The following GNAQ variants were observed in gnomAD, a reference collection of about 807,000 sequenced individuals.
The protein encoded by GNAQ is G protein subunit alpha q.
Under a neutral mutation model 43.9 loss-of-function variants are expected in GNAQ, and 8 were observed. The ratio of observed to expected loss-of-function variants is 0.18; its 90% CI spans 0.11 to 0.33. GNAQ has a LOEUF of 0.33. Ranked by LOEUF, GNAQ falls within the 10% of genes least tolerant of loss-of-function variation. The probability of loss-of-function intolerance (pLI) is 1.00; values close to 1 mark genes in which losing one functional copy is unlikely to be tolerated. For missense variants in GNAQ, 158 were observed against 450.8 expected (o/e 0.35, Z 5.88); for synonymous variants, 155 against 170.7 (o/e 0.91, Z 0.71).
At chr9:77,739,658 C>G (rs1825624004) in intron 5 of GNAQ, among the ~76,000 whole-genome samples, 1 of 152,176 alleles carries the variant, frequency 6.6e-6, no homozygotes, top group East Asian at 1.9e-4. Context: ...ATGGCACCAC[C>G]TAACTTGCTG....
At chr9:77,850,860 G>A (rs1827664502) in intron 2 of GNAQ, among the ~76,000 whole-genome samples, 1 of 151,880 alleles carries the variant, frequency 6.6e-6, no homozygotes, top group South Asian at 2.1e-4. Flanking sequence ...CTCTTCCCAG[G>A]CACCATCACT....
intron 1 of GNAQ, among the ~76,000 whole-genome samples, chr9:77,962,179 C>A (rs776048721): frequency 6.6e-5 from 10 of 151,870 alleles, no homozygotes; most frequent in Non-Finnish European, 1.2e-4. Flanking sequence ...CAGTGTGGAA[C>A]AAAATCGAGT....
chr9:77,866,433 G>A (rs529038524), intron 2 of GNAQ, among the ~76,000 whole-genome samples: 2 of 152,182 alleles, frequency 1.3e-5, no homozygotes, highest in African/African-American at 4.8e-5. Flanking sequence ...GCTGAGTACT[G>A]TCTCAAAAAA....
intron 6 of GNAQ, 114 bp downstream of exon 6, chr9:77,728,400 G>A: frequency 1.3e-6 from 1 of 743,332 alleles, no homozygotes; most frequent in Admixed American, 2.2e-5. Flanking sequence ...TCAACACGCA[G>A]GCTGCACAGG....
At chr9:77,999,076 G>C (rs941295363) in intron 1 of GNAQ, among the ~76,000 whole-genome samples, 6 of 95,120 alleles carry the variant, frequency 6.3e-5, no homozygotes, top group African/African-American at 2.4e-4. Flanking sequence ...TGGGCAACAA[G>C]AGTGAAACTC....
chr9:77,966,445 C>A (rs1203021255), intron 1 of GNAQ, among the ~76,000 whole-genome samples: 2 of 152,096 alleles, frequency 1.3e-5, no homozygotes, highest in Non-Finnish European at 2.9e-5. Context: ...GTACGTTTTT[C>A]TTTATAATAG....
intron 5 of GNAQ, among the ~76,000 whole-genome samples, chr9:77,781,448 C>A (rs1253771044): frequency 6.6e-6 from 1 of 152,016 alleles, no homozygotes; most frequent in Non-Finnish European, 1.5e-5. Flanking sequence ...AGAAAGAAAT[C>A]TTAGCAATTA....
intron 5 of GNAQ, among the ~76,000 whole-genome samples, chr9:77,788,171 T>C (rs926064185): frequency 6.6e-6 from 1 of 152,108 alleles, no homozygotes; most frequent in African/African-American, 2.4e-5. Flanking sequence ...ATTGTGTATA[T>C]ATCAAAAACA....
chr9:77,735,067 C>T (rs1490331214), intron 5 of GNAQ, among the ~76,000 whole-genome samples: 1 of 152,076 alleles, frequency 6.6e-6, no homozygotes, highest in Non-Finnish European at 1.5e-5. Context: ...TTATTGGCAC[C>T]ACTTCTGCTT....
At chr9:77,816,235 C>G (rs1013345064) in intron 2 of GNAQ, among the ~76,000 whole-genome samples, 2 of 152,084 alleles carry the variant, frequency 1.3e-5, no homozygotes, top group African/African-American at 4.8e-5. Flanking sequence ...CTCAACTAAT[C>G]AGGATTAGCT....
At chr9:77,843,999 G>A (rs1827534157) in intron 2 of GNAQ, among the ~76,000 whole-genome samples, 1 of 152,138 alleles carries the variant, frequency 6.6e-6, no homozygotes, top group African/African-American at 2.4e-5. Context: ...AATCCAATAA[G>A]TGCCAAATTA....
intron 1 of GNAQ, among the ~76,000 whole-genome samples, chr9:77,982,428 T>C (rs1009714570): frequency 6.6e-6 from 1 of 152,204 alleles, no homozygotes; most frequent in African/African-American, 2.4e-5. Context: ...TGTTATAGGC[T>C]TCTGAAACCT....
rs537868318 is a variant in GNAQ at position 77,909,694 on chromosome 9, A to C, written c.321+12467T>G. On this transcript the variant is annotated intron_variant, in intron 2 of 6. Coordinates refer to ENST00000286548, the MANE Select transcript of GNAQ (RefSeq NM_002072.5). ...ATAACACAAGATAGTAAAAAAAAAA[A>C]AAACAACAACTGCATATGCATCTTA... 4.6e-5 allele frequency among the ~76,000 whole-genome samples: 7 copies of C among 152,234 alleles called. No individual in the cohort carries two copies. In the South Asian group the frequency reaches 8.3e-4, roughly 18 times the overall value.
At chr9:77,951,501 A>C (rs1822977526) in intron 1 of GNAQ, among the ~76,000 whole-genome samples, 1 of 152,164 alleles carries the variant, frequency 6.6e-6, no homozygotes, top group South Asian at 2.1e-4. Context: ...TTTATAGTTT[A>C]TTTACTTATT....
chr9:77,813,685 G>A (rs896899970), intron 3 of GNAQ, among the ~76,000 whole-genome samples: 1 of 152,128 alleles, frequency 6.6e-6, no homozygotes, highest in African/African-American at 2.4e-5. Flanking sequence ...ACCCTAAGGG[G>A]GAGACGTAAC....
intron 2 of GNAQ, among the ~76,000 whole-genome samples, chr9:77,873,871 C>T (rs1315933531): frequency 2.0e-5 from 3 of 151,970 alleles, no homozygotes; most frequent in Non-Finnish European, 2.9e-5. Context: ...TTTGGGAGGC[C>T]GAGGCGGAGG....
At chr9:77,948,415 T>C (rs1019257893) in intron 1 of GNAQ, among the ~76,000 whole-genome samples, 5 of 152,118 alleles carry the variant, frequency 3.3e-5, no homozygotes, top group Non-Finnish European at 7.4e-5. Context: ...TTTACCCTTT[T>C]CCAGCAAAGA....
At chr9:77,820,132 C>G (rs1385109556) in intron 2 of GNAQ, among the ~76,000 whole-genome samples, 14 of 131,392 alleles carry the variant, frequency 1.1e-4, no homozygotes, top group Non-Finnish European at 2.1e-4. Flanking sequence ...AAAATATAAA[C>G]CATGGTACAA....
chr9:77,743,011 G>A (rs574459956), intron 5 of GNAQ, among the ~76,000 whole-genome samples: 29 of 152,338 alleles, frequency 1.9e-4, no homozygotes, highest in Admixed American at 5.2e-4. Flanking sequence ...TGTAATCCCA[G>A]CACTTTGGGA....
Sources: gnomAD v4.1 joint callset for allele counts (sites outside exome capture counted in the v4.1 genomes callset) on GRCh38, gnomAD v4.1.1 for gene constraint, MANE v1.5 for transcripts, NCBI Gene and HGNC (gene_info 2026-07-23, HGNC 2026-07-21) for gene names.